PTPRK: variants seen among roughly 807,000 people sequenced by gnomAD.
PTPRK encodes receptor-type tyrosine-protein phosphatase kappa.
PTPRK carries 75 observed loss-of-function variants against 178.0 expected under a neutral mutation model. That is an observed-to-expected ratio of 0.42 (90% CI 0.35 to 0.51). PTPRK has a LOEUF of 0.51. Among genes scored for constraint, PTPRK ranks in the 20% least tolerant of loss-of-function variants. PTPRK has a pLI of 0.02. For missense variants in PTPRK, 1,441 were observed against 1,797.8 expected (o/e 0.80, Z 3.59); for synonymous variants, 637 against 620.6 (o/e 1.03, Z -0.39).
At chr6:128,421,122 T>G (rs997878938) in intron 1 of PTPRK, among the ~76,000 whole-genome samples, 1 of 152,230 alleles carries the variant, frequency 6.6e-6, no homozygotes, top group Admixed American at 6.5e-5. Context: ...AGATATATTT[T>G]TCCTAATGTC....
chr6:128,460,603 A>G (rs1848936183), intron 1 of PTPRK, among the ~76,000 whole-genome samples: 1 of 152,190 alleles, frequency 6.6e-6, no homozygotes, highest in Admixed American at 6.5e-5. Flanking sequence ...AAAGATAAAC[A>G]GAGTTGCCAA....
intron 2 of PTPRK, among the ~76,000 whole-genome samples, chr6:128,339,341 T>A (rs976646441): frequency 6.6e-6 from 1 of 152,188 alleles, no homozygotes; most frequent in Non-Finnish European, 1.5e-5. Flanking sequence ...CCATTTAATC[T>A]TGCACTAACA....
chr6:128,189,795 GTGT>G (rs1281173231), intron 6 of PTPRK, among the ~76,000 whole-genome samples: 1 of 152,040 alleles, frequency 6.6e-6, no homozygotes, highest in Non-Finnish European at 1.5e-5. Flanking sequence ...CAAATTCACA[GTGT>G]TTCTCATTGT....
intron 7 of PTPRK, among the ~76,000 whole-genome samples, chr6:128,099,548 G>A (rs888331256): frequency 6.6e-6 from 1 of 152,058 alleles, no homozygotes; most frequent in Non-Finnish European, 1.5e-5. Flanking sequence ...ACTTATTAGA[G>A]AGACTAATTT....
chr6:128,384,377 A>G lies in PTPRK; in HGVS notation c.223+13189T>C, dbSNP rs553940478. ...CTCGCAATACAAAGATTTTTGGACA[A>G]TATTTCTATTTTTTTTTTCCTGAGA... On this transcript the variant is annotated intron_variant, in intron 2 of 29. Transcript: ENST00000368226. Among the ~76,000 whole-genome samples the G allele has an allele frequency of 4.7e-4, 59 of 126,706 alleles. 1 individual carries two copies. The highest frequency in any genetic ancestry group is 1.2e-3 in the African/African-American group (51 of 40,806). 83.1% of individuals were successfully genotyped at this position (126,706 alleles called of 152,430 possible). A position where few individuals can be genotyped will look rare whatever the true frequency, so the allele number is the denominator to read the frequency against.
intron 1 of PTPRK, among the ~76,000 whole-genome samples, chr6:128,420,754 G>A (rs927991413): frequency 2.6e-5 from 4 of 152,168 alleles, no homozygotes; most frequent in African/African-American, 9.6e-5. Context: ...GCTGAAGAAG[G>A]ACATTCTAGT....
At chr6:128,328,157 A>G (rs1829816207) in intron 2 of PTPRK, among the ~76,000 whole-genome samples, 1 of 152,182 alleles carries the variant, frequency 6.6e-6, no homozygotes, top group Non-Finnish European at 1.5e-5. Flanking sequence ...AGAATAGATG[A>G]TCCTTCTTTC....
intron 2 of PTPRK, among the ~76,000 whole-genome samples, chr6:128,335,788 A>AG (rs1830841864): frequency 6.6e-6 from 1 of 152,020 alleles, no homozygotes. Context: ...ATATACTTAA[A>AG]GAAAAAAAAA....
chr6:128,451,869 A>C (rs1847837952), intron 1 of PTPRK, among the ~76,000 whole-genome samples: 1 of 152,216 alleles, frequency 6.6e-6, no homozygotes, highest in Non-Finnish European at 1.5e-5. Flanking sequence ...AACTAAGTCT[A>C]GCTATCTACA....
chr6:127,977,560 A>G (rs1463329979), intron 25 of PTPRK, among the ~76,000 whole-genome samples: 13 of 152,188 alleles, frequency 8.5e-5, no homozygotes, highest in Admixed American at 8.5e-4. Context: ...GAAAAACCAC[A>G]AGTAGCTCAA....
chr6:128,428,349 T>A (rs529014470), intron 1 of PTPRK, among the ~76,000 whole-genome samples: 2 of 152,346 alleles, frequency 1.3e-5, no homozygotes, highest in African/African-American at 4.8e-5. Flanking sequence ...ATGCACATCA[T>A]TAGTAGACTA....
chr6:128,398,614 C>T (rs1840645602), intron 1 of PTPRK, among the ~76,000 whole-genome samples: 1 of 152,132 alleles, frequency 6.6e-6, no homozygotes, highest in African/African-American at 2.4e-5. Context: ...TAAAAGAACT[C>T]TTTGAAATCT....
At chr6:128,417,355 A>T (rs1216314344) in intron 1 of PTPRK, among the ~76,000 whole-genome samples, 5 of 152,212 alleles carry the variant, frequency 3.3e-5, no homozygotes, top group Non-Finnish European at 5.9e-5. Context: ...TGCCCTATGG[A>T]TCATAATATT....
intron 6 of PTPRK, among the ~76,000 whole-genome samples, chr6:128,212,192 A>T (rs1389601765): frequency 1.3e-5 from 2 of 152,030 alleles, no homozygotes; most frequent in Non-Finnish European, 2.9e-5. Flanking sequence ...TTTCCTATAG[A>T]ATTAAATTAT....
intron 13 of PTPRK, among the ~76,000 whole-genome samples, chr6:128,021,385 C>T (rs182938491): frequency 6.6e-6 from 1 of 152,158 alleles, no homozygotes; most frequent in East Asian, 1.9e-4. Context: ...GCCTGTAATC[C>T]CAGCACTCTG....
At chr6:128,001,348 A>G (rs1193147076) in intron 15 of PTPRK, 4 of 512,164 alleles carry the variant, frequency 7.8e-6, no homozygotes, top group African/African-American at 3.8e-5. Flanking sequence ...AAATACAAAA[A>G]TGATTGGATG....
chr6:128,042,894 T>A (rs577942853), intron 13 of PTPRK, among the ~76,000 whole-genome samples: 6 of 152,158 alleles, frequency 3.9e-5, no homozygotes, highest in South Asian at 2.1e-4. Flanking sequence ...GATAATGTCA[T>A]TATCAAGTAT....
chr6:128,342,311 CA>C (rs1018891604), intron 2 of PTPRK, among the ~76,000 whole-genome samples: 4 of 151,996 alleles, frequency 2.6e-5, no homozygotes, highest in Admixed American at 6.5e-5. Flanking sequence ...AGCACACACA[CA>C]AAAAAATTTT....
At chr6:128,401,810 A>G (rs945435332) in intron 1 of PTPRK, among the ~76,000 whole-genome samples, 4 of 152,224 alleles carry the variant, frequency 2.6e-5, no homozygotes, top group Non-Finnish European at 5.9e-5. Flanking sequence ...GTAAAAAGAA[A>G]GTCCAAGACA....
Sources: allele counts gnomAD v4.1 joint callset (sites outside exome capture counted in the v4.1 genomes callset), GRCh38; gene constraint gnomAD v4.1.1; transcripts MANE v1.5; gene names NCBI Gene and HGNC (gene_info 2026-07-23, HGNC 2026-07-21).